Variants in PCDHA8 observed in about 807,000 individuals in gnomAD.
The protein encoded by PCDHA8 is protocadherin alpha-8.
Under a neutral mutation model 61.8 loss-of-function variants are expected in PCDHA8, and 53 were observed. The observed-to-expected ratio is 0.86, with a 90% CI of 0.69 to 1.08. The LOEUF is 1.08. Ranked by LOEUF, PCDHA8 falls within the 50% of genes least tolerant of loss-of-function variation. The pLI, the probability that PCDHA8 is intolerant of heterozygous loss-of-function variation, is 0.00. For synonymous variants in PCDHA8, 618 were observed against 556.6 expected, an observed-to-expected ratio of 1.11 and a Z score of -1.55; for missense variants, 1,293 against 1,245.0, an observed-to-expected ratio of 1.04 and a Z score of -0.58.
intron 1 of PCDHA8, among the ~76,000 whole-genome samples, chr5:140,888,838 A>G (rs2061999996): frequency 6.6e-6 from 1 of 152,078 alleles, no homozygotes; most frequent in East Asian, 1.9e-4. Flanking sequence ...ACTCCACTGC[A>G]GCCTGGTGAC....
At chr5:140,999,159 G>A (rs1056236953) in intron 3 of PCDHA8, among the ~76,000 whole-genome samples, 2 of 152,182 alleles carry the variant, frequency 1.3e-5, no homozygotes, top group African/African-American at 2.4e-5. Flanking sequence ...CAGTCCCCTA[G>A]AAGGAAAAGA....
intron 1 of PCDHA8, among the ~76,000 whole-genome samples, chr5:140,933,853 A>G (rs192647657): frequency 6.6e-6 from 1 of 151,684 alleles, no homozygotes; most frequent in Non-Finnish European, 1.5e-5. Flanking sequence ...TGTACCTTTA[A>G]TTTTTTCAGA....
At chr5:140,962,174 C>T (rs1365738124) in intron 1 of PCDHA8, among the ~76,000 whole-genome samples, 1 of 152,100 alleles carries the variant, frequency 6.6e-6, no homozygotes, top group Admixed American at 6.6e-5. Context: ...CACACCCGGC[C>T]ACTTATATCA....
intron 3 of PCDHA8, among the ~76,000 whole-genome samples, chr5:140,985,402 C>T (rs1554247027): frequency 6.6e-6 from 1 of 152,118 alleles, no homozygotes; most frequent in African/African-American, 2.4e-5. Context: ...CAACTGTTCC[C>T]CTGGAAATGG....
intron 1 of PCDHA8, chr5:140,968,753 C>G: frequency 1.2e-6 from 2 of 1,614,022 alleles, no homozygotes; most frequent in Non-Finnish European, 1.7e-6. Flanking sequence ...CGTGGTGGTC[C>G]GAGATAATGG....
intron 1 of PCDHA8, chr5:140,875,613 C>G (rs2055652849): frequency 8.1e-6 from 13 of 1,613,708 alleles, no homozygotes; most frequent in Non-Finnish European, 1.1e-5. Flanking sequence ...TCGTGGGCCG[C>G]ATCGCTCAGG....
intron 1 of PCDHA8, among the ~76,000 whole-genome samples, chr5:140,953,847 A>G (rs1165540937): frequency 6.6e-6 from 1 of 152,200 alleles, no homozygotes. Flanking sequence ...CCAGGTAAAC[A>G]TGTGCCATGG....
At position 140,842,695 on chromosome 5, in the gene PCDHA8, C is replaced by T; in HGVS notation, c.1374C>T (p.Pro458=). Residue 458 remains proline (P), a synonymous_variant, in exon 1 of 4, where the codon CCC becomes CCT. Coordinates refer to ENST00000531613, the MANE Select transcript of PCDHA8 (RefSeq NM_018911.3). ...ACAATGCTCCGGCGTTCGCGCAGCC[C>T]GAGTACACGGTGTTCGTGAAGGAGA... is the stretch of plus-strand genomic sequence containing the variant. ...VNDNAPAFAQ[P]EYTVFVKENN... is the part of the protein sequence containing the mutation. 1 of 1,595,194 alleles carries T rather than the reference C, an allele frequency of 6.3e-7. No individual in the cohort carries two copies. Among genetic ancestry groups the T allele is most frequent in the Non-Finnish European group, 8.6e-7 (1 of 1,165,504 alleles).
At chr5:140,896,019 C>A (rs2065310725) in intron 1 of PCDHA8, among the ~76,000 whole-genome samples, 1 of 152,144 alleles carries the variant, frequency 6.6e-6, no homozygotes, top group African/African-American at 2.4e-5. Flanking sequence ...CCATGTTGGC[C>A]AGGCTGGTCT....
At chr5:140,875,662 T>C (rs782787124) in intron 1 of PCDHA8, 32 of 1,613,752 alleles carry the variant, frequency 2.0e-5, no homozygotes, top group Non-Finnish European at 2.6e-5. Context: ...GCCGCGCCTG[T>C]TCCGGGTGGC....
intron 1 of PCDHA8, chr5:140,863,232 G>A (rs1283717964): frequency 8.1e-7 from 1 of 1,230,740 alleles, no homozygotes; most frequent in Non-Finnish European, 1.1e-6. Context: ...AGGTCCCATC[G>A]CGGGCTTTGG....
rs539970308 is a variant in PCDHA8 at position 140,890,959 on chromosome 5, G to GGTTTT, written c.2394+47250_2394+47254dup. 2.6e-4 allele frequency among the ~76,000 whole-genome samples: 40 copies of GGTTTT among 152,148 alleles called. 1 individual carries two copies. In the South Asian group the frequency reaches 8.1e-3, roughly 31 times the overall value. On this transcript the variant is annotated intron_variant, in intron 1 of 3. Transcript: ENST00000531613. ...AAGATGCTGGTGAGGAATGATTTCAGGTTTTGTTTTTCTGAAAATGTCTTT... is the reference window on the plus strand; with the variant it reads ...AAGATGCTGGTGAGGAATGATTTCAGGTTTTGTTTTGTTTTTCTGAAAATGTCTTT...
At chr5:140,951,597 C>T (rs1445745403) in intron 1 of PCDHA8, among the ~76,000 whole-genome samples, 1 of 152,098 alleles carries the variant, frequency 6.6e-6, no homozygotes, top group East Asian at 1.9e-4. Flanking sequence ...ATCTCTCTCA[C>T]TGTTATGAGA....
intron 3 of PCDHA8, among the ~76,000 whole-genome samples, chr5:140,999,427 G>A (rs1405186577): frequency 6.6e-6 from 1 of 152,172 alleles, no homozygotes; most frequent in Non-Finnish European, 1.5e-5. Flanking sequence ...AAGAGGCCAA[G>A]TACCTTGCCT....
intron 1 of PCDHA8, chr5:140,851,974 C>T: frequency 3.1e-6 from 3 of 976,536 alleles, no homozygotes; most frequent in Non-Finnish European, 3.7e-6. Flanking sequence ...CACACTCTAC[C>T]TTTAGTGCAA....
intron 1 of PCDHA8, among the ~76,000 whole-genome samples, chr5:140,917,334 G>A (rs1466426021): frequency 1.4e-5 from 2 of 147,744 alleles, no homozygotes; most frequent in Admixed American, 1.4e-4. Flanking sequence ...CGGGGGAGGG[G>A]GGGGATGGTG....
intron 1 of PCDHA8, chr5:140,860,422 T>A (rs1554153353): frequency 1.3e-5 from 2 of 152,130 alleles, no homozygotes; most frequent in African/African-American, 4.8e-5. Context: ...ACCATTATCC[T>A]GCAAATATGA....
At chr5:140,969,819 A>G (rs2096362307) in intron 1 of PCDHA8, among the ~76,000 whole-genome samples, 1 of 152,168 alleles carries the variant, frequency 6.6e-6, no homozygotes, top group African/African-American at 2.4e-5. Context: ...TATACTCTGG[A>G]CTGTCTACAG....
chr5:140,871,191 C>T lies in PCDHA8; in HGVS notation c.2394+27476C>T, dbSNP rs370303558. 1.9e-6 allele frequency: 3 copies of T among 1,613,656 alleles called. 1 individual carries two copies. In the South Asian group the frequency reaches 3.3e-5, roughly 18 times the overall value. On this transcript the variant is annotated intron_variant, in intron 1 of 3. Coordinates refer to ENST00000531613, the MANE Select transcript of PCDHA8 (RefSeq NM_018911.3). ...CAGAGGCTGCGCTGGTGGATGTCAA[C>T]GTGTACCTGATCATCGCCATCTGCG...
Sources: allele counts gnomAD v4.1 joint callset (sites outside exome capture counted in the v4.1 genomes callset), GRCh38; gene constraint gnomAD v4.1.1; transcripts MANE v1.5; gene names NCBI Gene and HGNC (gene_info 2026-07-23, HGNC 2026-07-21).